Variants in FGF12 observed in about 807,000 individuals in gnomAD.
FGF12 encodes fibroblast growth factor 12B.
A neutral mutation model predicts 23.6 loss-of-function variants in FGF12; 14 were observed. The ratio of observed to expected loss-of-function variants is 0.59; its 90% confidence interval spans 0.39 to 0.93. The LOEUF (loss-of-function observed/expected upper bound fraction) is 0.93, where lower values mean the gene tolerates loss of function less well. FGF12 is among the 40% of genes least tolerant of loss of function. The pLI, the probability that FGF12 is intolerant of heterozygous loss-of-function variation, is 0.00. For synonymous variants in FGF12, 62 were observed against 77.3 expected (o/e 0.80, Z 1.04); for missense variants, 175 against 217.8 (o/e 0.80, Z 1.24).
At chr3:192,225,481 A>G (rs1293066820) in intron 4 of FGF12, among the ~76,000 whole-genome samples, 2 of 152,144 alleles carry the variant, frequency 1.3e-5, no homozygotes, top group African/African-American at 4.8e-5. Context: ...ATGAGGATGT[A>G]AAAACACTGA....
At chr3:192,644,904 T>TCCC (rs1715944907) in intron 2 of FGF12, among the ~76,000 whole-genome samples, 1 of 152,110 alleles carries the variant, frequency 6.6e-6, no homozygotes, top group Non-Finnish European at 1.5e-5. Flanking sequence ...TCTTCTAGGG[T>TCCC]AGTTAGCCAA....
intron 4 of FGF12, among the ~76,000 whole-genome samples, chr3:192,258,074 TTTTGTTTG>T (rs1205333376): frequency 4.6e-5 from 7 of 151,650 alleles, no homozygotes; most frequent in Non-Finnish European, 8.8e-5. Context: ...TAAAGGTTGT[TTTTGTTTG>T]TTTGTTTGTT....
At chr3:192,224,520 G>A (rs1391905123) in intron 4 of FGF12, among the ~76,000 whole-genome samples, 2 of 151,932 alleles carry the variant, frequency 1.3e-5, no homozygotes, top group Admixed American at 6.6e-5. Flanking sequence ...CTGGGACTAG[G>A]AAAAGAAATG....
intron 2 of FGF12, among the ~76,000 whole-genome samples, chr3:192,695,620 TTTAC>T (rs1236896782): frequency 1.3e-5 from 2 of 152,306 alleles, no homozygotes; most frequent in African/African-American, 2.4e-5. Flanking sequence ...ATCAGTGAGC[TTTAC>T]TTACTTAAGG....
At chr3:192,707,180 C>T (rs1718497593) in intron 2 of FGF12, among the ~76,000 whole-genome samples, 1 of 152,162 alleles carries the variant, frequency 6.6e-6, no homozygotes, top group Non-Finnish European at 1.5e-5. Flanking sequence ...ATAGTTGTAG[C>T]TCCAGAAATG....
At chr3:192,196,293 C>T (rs970440948) in intron 4 of FGF12, among the ~76,000 whole-genome samples, 1 of 152,136 alleles carries the variant, frequency 6.6e-6, no homozygotes, top group Non-Finnish European at 1.5e-5. Context: ...CTTTAAAAGA[C>T]ACAAAAGACT....
chr3:192,507,090 C>T (rs1724330750), intron 2 of FGF12, among the ~76,000 whole-genome samples: 1 of 151,976 alleles, frequency 6.6e-6, no homozygotes, highest in Non-Finnish European at 1.5e-5. Context: ...GACGGGGTTT[C>T]ACCGTGTTAG....
chr3:192,221,727 T>C (rs1255398934), intron 4 of FGF12, among the ~76,000 whole-genome samples: 1 of 152,106 alleles, frequency 6.6e-6, no homozygotes, highest in Non-Finnish European at 1.5e-5. Context: ...TAAAATGTAA[T>C]TCAGGTCAAC....
intron 3 of FGF12, among the ~76,000 whole-genome samples, chr3:192,351,002 T>C (rs142278507): frequency 6.6e-6 from 1 of 152,118 alleles, no homozygotes; most frequent in South Asian, 2.1e-4. Context: ...GTATTGAGAA[T>C]TGCTGGAAAT....
intron 2 of FGF12, among the ~76,000 whole-genome samples, chr3:192,479,826 A>C (rs1723430094): frequency 6.6e-6 from 1 of 152,198 alleles, no homozygotes. Context: ...TATTACGGTA[A>C]CATGAGTTAG....
At position 192,601,608 on chromosome 3, in the gene FGF12, G is replaced by A. The variant is rs576119357; in HGVS notation, c.13+125573C>T. Among the ~76,000 whole-genome samples the A allele has an allele frequency of 3.3e-5, 5 of 152,194 alleles. No homozygotes were observed. In the East Asian group the frequency reaches 9.7e-4, roughly 29 times the overall value. ...GAAAAAAAAAGTCACTGGTTGCTAG[G>A]GGTTAGTGAAGATGGGGAGATCAAT... On this transcript the variant is annotated intron_variant, in intron 2 of 5. Coordinates refer to ENST00000445105, the MANE Select transcript of FGF12 (RefSeq NM_004113.6).
intron 2 of FGF12, among the ~76,000 whole-genome samples, chr3:192,503,716 C>T (rs1320418786): frequency 2.0e-5 from 3 of 151,504 alleles, no homozygotes; most frequent in Admixed American, 6.6e-5. Context: ...TGCCATTCTC[C>T]TGCCTCAGCC....
intron 2 of FGF12, among the ~76,000 whole-genome samples, chr3:192,662,275 T>C (rs936451102): frequency 2.6e-5 from 4 of 152,226 alleles, no homozygotes; most frequent in Non-Finnish European, 2.9e-5. Flanking sequence ...CCTTGTCTTA[T>C]TGAAAAGGCA....
At chr3:192,604,681 T>G in intron 2 of FGF12, among the ~76,000 whole-genome samples, 1 of 152,290 alleles carries the variant, frequency 6.6e-6, no homozygotes, top group Non-Finnish European at 1.5e-5. Context: ...ACAAATGTCA[T>G]TTTTTACAGA....
intron 2 of FGF12, among the ~76,000 whole-genome samples, chr3:192,453,705 A>T (rs574601555): frequency 1.3e-5 from 2 of 151,510 alleles, no homozygotes; most frequent in African/African-American, 4.9e-5. Context: ...TTATTGGGGG[A>T]TGAGGGGATG....
chr3:192,423,275 TGTGA>T (rs754823428), intron 2 of FGF12, among the ~76,000 whole-genome samples: 2 of 152,306 alleles, frequency 1.3e-5, no homozygotes, highest in East Asian at 3.9e-4. Context: ...CACTAAAATG[TGTGA>T]GTGTTTTAGA....
chr3:192,186,122 G>A (rs565170373), intron 4 of FGF12, among the ~76,000 whole-genome samples: 42 of 151,262 alleles, frequency 2.8e-4, no homozygotes. Context: ...TTTTTTTCTT[G>A]AACTGAGAAC....
intron 2 of FGF12, among the ~76,000 whole-genome samples, chr3:192,719,376 C>T (rs4547643): frequency 1 from 152,343 of 152,344 alleles, 76,171 homozygotes; most frequent in Middle Eastern, 1. Flanking sequence ...TTCATGTTTA[C>T]GTTATTGTTA....
At chr3:192,711,420 C>T (rs1055166530) in intron 2 of FGF12, among the ~76,000 whole-genome samples, 1 of 152,150 alleles carries the variant, frequency 6.6e-6, no homozygotes, top group Non-Finnish European at 1.5e-5. Context: ...AGCCCCTCTG[C>T]CCGGCCGCCA....
Sources: allele counts gnomAD v4.1 joint callset (sites outside exome capture counted in the v4.1 genomes callset), GRCh38; gene constraint gnomAD v4.1.1; transcripts MANE v1.5; gene names NCBI Gene and HGNC (gene_info 2026-07-23, HGNC 2026-07-21).